Variants in SPMAP1 observed in about 807,000 individuals in gnomAD.
SPMAP1 encodes the protein sperm microtubule associated protein 1, also known as uncharacterized protein C17orf98.
At chr17:38,839,479 AAAAG>A in the SPMAP1 span, among the ~76,000 whole-genome samples, 605 of 148,650 alleles carry the variant, frequency 4.1e-3, 3 homozygotes, top group Middle Eastern at 6.8e-3. Context: ...AAAAAAAAAA[AAAAG>A]AAAAGAAAAG....
At chr17:38,841,339 C>A in the SPMAP1 span, 1 of 1,614,210 alleles carries the variant, frequency 6.2e-7, no homozygotes, top group Non-Finnish European at 8.5e-7. Flanking sequence ...CCACCCCGTC[C>A]AAGATAAAGC....
At chr17:38,838,200 G>A in the SPMAP1 span, among the ~76,000 whole-genome samples, 3 of 151,942 alleles carry the variant, frequency 2.0e-5, no homozygotes, top group African/African-American at 7.2e-5. Context: ...AGACTTAAGT[G>A]ATTTTGTTCA....
At chr17:38,838,596 C>A in the SPMAP1 span, among the ~76,000 whole-genome samples, 18 of 150,422 alleles carry the variant, frequency 1.2e-4, no homozygotes, top group African/African-American at 3.4e-4. Context: ...CGAGACTCCA[C>A]CTCAAAAATA....
the SPMAP1 span, among the ~76,000 whole-genome samples, chr17:38,838,170 A>T: frequency 6.6e-6 from 1 of 151,994 alleles, no homozygotes; most frequent in Non-Finnish European, 1.5e-5. Context: ...GGATTGAGCC[A>T]CTGTGCCTGG....
the SPMAP1 span, among the ~76,000 whole-genome samples, chr17:38,835,716 T>A: frequency 6.6e-6 from 1 of 152,084 alleles, no homozygotes. Context: ...GAGATCAAGA[T>A]CAATTGAGCC....
chr17:38,840,610 C>T, the SPMAP1 span, among the ~76,000 whole-genome samples: 1 of 109,842 alleles, frequency 9.1e-6, no homozygotes, highest in African/African-American at 3.8e-5. Flanking sequence ...GCGAGACCCC[C>T]TCTCTACAAA....
chr17:38,837,392 C>A, the SPMAP1 span: 2 of 637,728 alleles, frequency 3.1e-6, no homozygotes, highest in South Asian at 3.6e-5. Context: ...TATTTAAGAA[C>A]CAGACCGGGT....
chr17:38,840,038 C>T, the SPMAP1 span, among the ~76,000 whole-genome samples: 1 of 152,066 alleles, frequency 6.6e-6, no homozygotes, highest in African/African-American at 2.4e-5. Context: ...GAACCATCAG[C>T]AAACAGTCTC....
At chr17:38,836,873 G>A in the SPMAP1 span, among the ~76,000 whole-genome samples, 1 of 151,820 alleles carries the variant, frequency 6.6e-6, no homozygotes, top group Admixed American at 6.6e-5. Context: ...GGGATTACAG[G>A]CGTGAGCCAC....
the SPMAP1 span, among the ~76,000 whole-genome samples, chr17:38,840,298 GTATT>G: frequency 6.6e-6 from 1 of 152,102 alleles, no homozygotes; most frequent in Non-Finnish European, 1.5e-5. Flanking sequence ...GGATTTTTGC[GTATT>G]TAGAGAATTT....
chr17:38,835,151 G>T, the SPMAP1 span: 2 of 1,603,646 alleles, frequency 1.2e-6, no homozygotes, highest in Non-Finnish European at 1.7e-6. Context: ...ATTTGTCTTA[G>T]AAATTCAGGT....
the SPMAP1 span, chr17:38,841,203 G>T: frequency 1.2e-6 from 2 of 1,614,030 alleles, no homozygotes; most frequent in South Asian, 2.2e-5. Context: ...TTCCGCAAAA[G>T]GGGCGGAACC....
chr17:38,835,950 T>C, the SPMAP1 span, among the ~76,000 whole-genome samples: 1 of 152,296 alleles, frequency 6.6e-6, no homozygotes, highest in East Asian at 1.9e-4. Context: ...AGTCTTGCAC[T>C]GTCGCCCAGG....
chr17:38,841,115 C>T, the SPMAP1 span: 1 of 1,239,928 alleles, frequency 8.1e-7, no homozygotes, highest in East Asian at 2.4e-5. Context: ...GCGGAGCCTT[C>T]TTTGTGGTGA....
chr17:38,840,233 C>T, the SPMAP1 span, among the ~76,000 whole-genome samples: 1 of 152,144 alleles, frequency 6.6e-6, no homozygotes, highest in Non-Finnish European at 1.5e-5. Context: ...AGGAGGAAGG[C>T]GTCTCGCCCT....
the SPMAP1 span, chr17:38,841,323 T>A: frequency 1.9e-6 from 3 of 1,614,188 alleles, no homozygotes; most frequent in Non-Finnish European, 2.5e-6. Context: ...GCAGCGGTGC[T>A]CACAGCCACC....
chr17:38,841,315 A>G, the SPMAP1 span: 1 of 1,614,092 alleles, frequency 6.2e-7, no homozygotes, highest in Non-Finnish European at 8.5e-7. Flanking sequence ...AAGCGCGGGC[A>G]GCGGTGCTCA....
chr17:38,841,410 AG>A, the SPMAP1 span: 1 of 1,611,790 alleles, frequency 6.2e-7, no homozygotes. Context: ...GTAGCCTCGG[AG>A]GGCCTTTCTG....
chr17:38,841,178 TA>T, the SPMAP1 span: 12 of 1,612,888 alleles, frequency 7.4e-6, no homozygotes, highest in Admixed American at 2.0e-4. Flanking sequence ...GGGAAGCTCC[TA>T]TACCTGATCA....
Sources: allele counts gnomAD v4.1 joint callset (sites outside exome capture counted in the v4.1 genomes callset), GRCh38; gene constraint gnomAD v4.1.1; transcripts MANE v1.5; gene names NCBI Gene and HGNC (gene_info 2026-07-23, HGNC 2026-07-21).